Variants in NIBAN1 observed in about 807,000 individuals in gnomAD.
The protein encoded by NIBAN1 is niban apoptosis regulator 1.
Under a neutral mutation model 75.1 loss-of-function variants are expected in NIBAN1, and 81 were observed. That is an observed-to-expected ratio of 1.08 (90% confidence interval 0.90 to 1.30). The LOEUF (loss-of-function observed/expected upper bound fraction) is 1.30. NIBAN1 is among the 50% of genes most tolerant of loss of function. The pLI is 0.00. For missense variants in NIBAN1, 1,133 were observed against 1,128.1 expected, an observed-to-expected ratio of 1.00 and a Z score of -0.06; for synonymous variants, 436 against 424.8, an observed-to-expected ratio of 1.03 and a Z score of -0.32.
intron 12 of NIBAN1, among the ~76,000 whole-genome samples, chr1:184,801,349 G>T (rs1036698512): frequency 6.6e-6 from 1 of 152,176 alleles, no homozygotes; most frequent in African/African-American, 2.4e-5. Flanking sequence ...AGGGTCTAGA[G>T]GCAGGACTGT....
intron 9 of NIBAN1, among the ~76,000 whole-genome samples, chr1:184,814,607 C>A (rs1379131065): frequency 6.6e-6 from 1 of 152,156 alleles, no homozygotes; most frequent in African/African-American, 2.4e-5. Flanking sequence ...ATTTTTGTAT[C>A]ATCATTTTGG....
rs1491199108 is a variant in NIBAN1 at position 184,955,361 on chromosome 1, T to TTTCCTTTCCTTTCCTTTC, written c.55+18940_55+18941insGAAAGGAAAGGAAAGGAA. On this transcript the variant is annotated intron_variant, in intron 1 of 13. Coordinates refer to ENST00000367511, the MANE Select transcript of NIBAN1 (RefSeq NM_052966.4). ...CCTTTCCTTTCCTTTCCTTTCCTTT[T>TTTCCTTTCCTTTCCTTTC]CTTTTTTGTTTTGTTTTTGAGATGG... is the stretch of plus-strand genomic sequence containing the variant. Among the ~76,000 whole-genome samples the TTTCCTTTCCTTTCCTTTC allele has an allele frequency of 2.9e-3, 74 of 25,470 alleles. 1 individual carries two copies. Among genetic ancestry groups the TTTCCTTTCCTTTCCTTTC allele is most frequent in the African/African-American group, 5.4e-3 (54 of 10,084 alleles). The allele number at this position is 25,470 out of a possible 152,430, so 16.7% of individuals were successfully genotyped here. A position where few individuals can be genotyped will look rare whatever the true frequency, so the allele number is the denominator to read the frequency against.
At chr1:184,951,837 T>C (rs1453827463) in intron 1 of NIBAN1, among the ~76,000 whole-genome samples, 1 of 152,192 alleles carries the variant, frequency 6.6e-6, no homozygotes, top group African/African-American at 2.4e-5. Context: ...CCCCCTGAGA[T>C]GTGATCCCAC....
chr1:184,795,679 G>A lies in NIBAN1; in HGVS notation c.2085C>T (p.Pro695=), dbSNP rs746266694. 9.9e-6 allele frequency: 16 copies of A among 1,613,954 alleles called. No individual in the cohort carries two copies. The highest frequency in any genetic ancestry group is 5.3e-5 in the African/African-American group (4 of 74,876). The change falls in exon 14 of 14, where the codon CCC becomes CCT. Residue 695 remains proline (P), a synonymous_variant. Transcript: ENST00000367511. ...TGATGGGTTCTGGCTCTTCCTGGGCGGGTTCTTCATCCTCAAGGGTCCCTC... is the reference window on the plus strand; with the variant it reads ...TGATGGGTTCTGGCTCTTCCTGGGCAGGTTCTTCATCCTCAAGGGTCCCTC... ...EFGGTLEDEE[P]AQEEPEPITA... is the part of the protein sequence containing the mutation.
At chr1:184,920,352 T>C (rs1464751918) in intron 1 of NIBAN1, among the ~76,000 whole-genome samples, 1 of 152,198 alleles carries the variant, frequency 6.6e-6, no homozygotes, top group Non-Finnish European at 1.5e-5. Flanking sequence ...GTAATTACCA[T>C]ACTCATCACC....
At chr1:184,928,062 G>C (rs1486465730) in intron 1 of NIBAN1, among the ~76,000 whole-genome samples, 1 of 152,084 alleles carries the variant, frequency 6.6e-6, no homozygotes. Context: ...TAGCCAGCAG[G>C]TGATGAATCC....
At chr1:184,932,908 A>G (rs1442638452) in intron 1 of NIBAN1, among the ~76,000 whole-genome samples, 2 of 152,196 alleles carry the variant, frequency 1.3e-5, no homozygotes, top group Non-Finnish European at 2.9e-5. Context: ...GATTGCCTAC[A>G]ACCCTTCTGA....
intron 5 of NIBAN1, among the ~76,000 whole-genome samples, chr1:184,870,964 C>T (rs187120062): frequency 2.3e-3 from 343 of 152,234 alleles, no homozygotes; most frequent in African/African-American, 7.8e-3. Flanking sequence ...TTTGGAAATA[C>T]GGTCATTGCA....
At chr1:184,886,209 G>A (rs770395382) in intron 4 of NIBAN1, among the ~76,000 whole-genome samples, 14 of 152,288 alleles carry the variant, frequency 9.2e-5, no homozygotes, top group South Asian at 6.2e-4. Flanking sequence ...GACAGAGTTA[G>A]GTGCTTCCTA....
At chr1:184,888,133 G>A (rs1656575096) in intron 4 of NIBAN1, 1 of 152,262 alleles carries the variant, frequency 6.6e-6, no homozygotes, top group African/African-American at 2.4e-5. Context: ...AGGCTACAGT[G>A]AGCCATGATC....
At chr1:184,901,229 ATGTGAGC>A (rs1656947195) in intron 1 of NIBAN1, among the ~76,000 whole-genome samples, 1 of 152,218 alleles carries the variant, frequency 6.6e-6, no homozygotes, top group African/African-American at 2.4e-5. Flanking sequence ...TTTACTGGTC[ATGTGAGC>A]TTTAATAATT....
intron 1 of NIBAN1, among the ~76,000 whole-genome samples, chr1:184,970,801 C>A (rs1234945217): frequency 6.6e-6 from 1 of 152,152 alleles, no homozygotes; most frequent in African/African-American, 2.4e-5. Context: ...TTTTCTGACC[C>A]TCCACAGGAC....
At chr1:184,970,855 G>C (rs1053088623) in intron 1 of NIBAN1, among the ~76,000 whole-genome samples, 1 of 152,052 alleles carries the variant, frequency 6.6e-6, no homozygotes, top group Non-Finnish European at 1.5e-5. Context: ...TTTTTGATTC[G>C]TTAAAAATTC....
intron 5 of NIBAN1, among the ~76,000 whole-genome samples, chr1:184,840,742 A>G (rs2102250279): frequency 6.6e-6 from 1 of 151,050 alleles, no homozygotes; most frequent in South Asian, 2.1e-4. Flanking sequence ...GCTGTCGGAG[A>G]CATCCTGTAC....
At chr1:184,955,434 G>A (rs1023405273) in intron 1 of NIBAN1, among the ~76,000 whole-genome samples, 1 of 151,270 alleles carries the variant, frequency 6.6e-6, no homozygotes, top group South Asian at 2.1e-4. Context: ...TGTCTCCCAG[G>A]ATCAAGCCAT....
At chr1:184,940,927 G>A (rs554998013) in intron 1 of NIBAN1, among the ~76,000 whole-genome samples, 2 of 152,262 alleles carry the variant, frequency 1.3e-5, no homozygotes, top group East Asian at 1.9e-4. Context: ...ATCTCCTAGC[G>A]GGTTAAGCGG....
intron 1 of NIBAN1, among the ~76,000 whole-genome samples, chr1:184,913,137 G>GTATATATATATATATATATATAT (rs56098797): frequency 9.1e-6 from 1 of 109,750 alleles, no homozygotes; most frequent in Non-Finnish European, 1.9e-5. Flanking sequence ...TATCATGCAG[G>GTATATATATATATATATATATAT]TATATATATA....
chr1:184,807,954 T>C lies in NIBAN1; in HGVS notation c.1335+120A>G, dbSNP rs148021294. 2.4e-3 allele frequency: 2,732 copies of C among 1,145,416 alleles called. 8 individuals carry two copies. The highest frequency in any genetic ancestry group is 3.0e-3 in the Non-Finnish European group (2,305 of 765,546). The allele number at this position is 1,145,416 out of a possible 1,614,324, so 71.0% of individuals were successfully genotyped here. ...CAGAACGTGTCCTCCCGCAACATGA[T>C]GGCTAAAGAGACGCGACGTATTTCC... On this transcript the variant is annotated intron_variant, in intron 10 of 13. Transcript: ENST00000367511.
At chr1:184,953,625 A>C (rs1038880114) in intron 1 of NIBAN1, among the ~76,000 whole-genome samples, 1 of 152,254 alleles carries the variant, frequency 6.6e-6, no homozygotes, top group Non-Finnish European at 1.5e-5. Flanking sequence ...ATGTGGAGAC[A>C]TGAAGGTTTG....
Sources: allele counts gnomAD v4.1 joint callset (sites outside exome capture counted in the v4.1 genomes callset), GRCh38; gene constraint gnomAD v4.1.1; transcripts MANE v1.5; gene names NCBI Gene and HGNC (gene_info 2026-07-23, HGNC 2026-07-21).